The following C19orf47 variants were observed in gnomAD, a reference collection of about 807,000 sequenced individuals.
C19orf47 encodes the protein chromosome 19 open reading frame 47.
In C19orf47, 18 loss-of-function variants were observed where a neutral mutation model predicts 32.3. The observed-to-expected ratio is 0.56, with a 90% CI of 0.39 to 0.83. C19orf47 has a LOEUF of 0.83. C19orf47 is among the 40% of genes least tolerant of loss of function. The pLI, the probability that C19orf47 is intolerant of heterozygous loss-of-function variation, is 0.00. For missense variants in C19orf47, 484 were observed against 531.6 expected (o/e 0.91, Z 0.88); for synonymous variants, 202 against 211.1 (o/e 0.96, Z 0.37).
chr19:40,317,864 C>T (rs2077673643), downstream of C19orf47, among the ~76,000 whole-genome samples: 3 of 152,100 alleles, frequency 2.0e-5, no homozygotes, highest in African/African-American at 4.8e-5. Context: ...TGATTACAGG[C>T]GTGCACCAAC....
chr19:40,336,071 G>T, intron 4 of C19orf47, 39 bp downstream of exon 4: 5 of 1,591,942 alleles, frequency 3.1e-6, no homozygotes, highest in Non-Finnish European at 4.3e-6. Flanking sequence ...CCACCTCCAT[G>T]CCAAACCCAG....
chr19:40,332,585 T>C (rs908927270), intron 5 of C19orf47: 1 of 151,314 alleles, frequency 6.6e-6, no homozygotes, highest in Admixed American at 6.6e-5. Context: ...AGGCGGAGGT[T>C]GCACTGAGCC....
rs1250154577 is a variant in C19orf47, at chr19:40,346,377, A to T, written c.-34+1947T>A. Among the ~76,000 whole-genome samples, 4 of 149,248 alleles carry T rather than the reference A, an allele frequency of 2.7e-5. No homozygotes were observed. In the East Asian group the frequency reaches 8.1e-4, roughly 30 times the overall value. On this transcript the variant is annotated intron_variant, in intron 1 of 8. Transcript: ENST00000683109. Reference sequence around the variant, plus strand: ...AGAATTGCTTAAGCCCGGGAGGCAGAGGTTGCAGTGATCCAAGATCGCACC... The same window carrying T: ...AGAATTGCTTAAGCCCGGGAGGCAGTGGTTGCAGTGATCCAAGATCGCACC...
At chr19:40,347,819 A>G (rs1352340033) in intron 1 of C19orf47, among the ~76,000 whole-genome samples, 1 of 152,046 alleles carries the variant, frequency 6.6e-6, no homozygotes, top group African/African-American at 2.4e-5. Context: ...ACGAGCTCTC[A>G]CTGTGCCAGC....
the C19orf47 span, among the ~76,000 whole-genome samples, chr19:40,298,213 T>C: frequency 6.7e-6 from 1 of 149,378 alleles, no homozygotes; most frequent in Non-Finnish European, 1.5e-5. Context: ...AATCGTGCTT[T>C]ATGCTTTAAC....
intron 2 of C19orf47, among the ~76,000 whole-genome samples, chr19:40,341,587 C>T (rs982131869): frequency 3.9e-5 from 6 of 152,150 alleles, no homozygotes; most frequent in Admixed American, 3.9e-4. Flanking sequence ...CTCTGTGAGG[C>T]CACGTGGGAG....
At chr19:40,306,151 C>CA in the C19orf47 span, among the ~76,000 whole-genome samples, 14,269 of 50,866 alleles carry the variant, frequency 0.28, 1,527 homozygotes, top group African/African-American at 0.37. Context: ...AACTCTGTCT[C>CA]AAAAAAAAAA....
chr19:40,342,838 C>A (rs2078203679), intron 1 of C19orf47, among the ~76,000 whole-genome samples: 1 of 152,082 alleles, frequency 6.6e-6, no homozygotes, highest in African/African-American at 2.4e-5. Context: ...AAGCAAGGAG[C>A]CAGTGTGGCT....
intron 7 of C19orf47, chr19:40,324,833 G>C (rs114182113): frequency 6.6e-6 from 1 of 152,102 alleles, no homozygotes; most frequent in African/African-American, 2.4e-5. Context: ...TTAGCTGGGC[G>C]TGGTGGCCCA....
chr19:40,325,269 CAA>C (rs760539610), intron 7 of C19orf47, among the ~76,000 whole-genome samples: 4 of 111,630 alleles, frequency 3.6e-5, no homozygotes, highest in African/African-American at 3.4e-5. Flanking sequence ...GACTCCGTTT[CAA>C]AAAAAAAAAA....
intron 5 of C19orf47, among the ~76,000 whole-genome samples, chr19:40,332,930 T>C (rs1022590270): frequency 6.6e-6 from 1 of 152,138 alleles, no homozygotes; most frequent in Non-Finnish European, 1.5e-5. Flanking sequence ...AATGTGAACA[T>C]TTTTCACATT....
At chr19:40,348,478 A>G, upstream of C19orf47, 3 of 1,496,664 alleles carry the variant, frequency 2.0e-6, no homozygotes, top group Non-Finnish European at 2.7e-6. Flanking sequence ...GCTCTACCCC[A>G]ACAGGCCGCC....
chr19:40,316,124 A>C (rs1200437975), downstream of C19orf47, among the ~76,000 whole-genome samples: 1 of 152,148 alleles, frequency 6.6e-6, no homozygotes, highest in Non-Finnish European at 1.5e-5. Flanking sequence ...TTGCCAAACT[A>C]ACTCAGGTCA....
At chr19:40,304,099 A>C in the C19orf47 span, among the ~76,000 whole-genome samples, 1 of 152,246 alleles carries the variant, frequency 6.6e-6, no homozygotes, top group African/African-American at 2.4e-5. Flanking sequence ...CTGGAATGAG[A>C]CAGAACTGAT....
chr19:40,294,356 G>A, the C19orf47 span, among the ~76,000 whole-genome samples: 1 of 152,212 alleles, frequency 6.6e-6, no homozygotes, highest in Non-Finnish European at 1.5e-5. Context: ...CCTTTTCTAA[G>A]TTTGGATTAG....
At chr19:40,325,042 G>A (rs2077800302) in intron 7 of C19orf47, among the ~76,000 whole-genome samples, 1 of 151,870 alleles carries the variant, frequency 6.6e-6, no homozygotes, top group African/African-American at 2.4e-5. Context: ...GGCCAAGGCA[G>A]GTGGATCACC....
rs764224295 is a variant in C19orf47 at position 40,324,039 on chromosome 19, G to A, written c.630C>T (p.Ala210=). ...HRTSVFDRLG[A]ETKADTTTGS... is the part of the protein sequence containing the mutation. ...CTGTCGTGGTGTCTGCCTTGGTCTC[G>A]GCGCCGAGGCGGTCAAACACAGACG... The change falls in exon 8 of 9, where the codon GCC becomes GCT. Residue 210 remains alanine, a synonymous_variant. Transcript: ENST00000683109. 40 of 1,614,090 alleles carry A rather than the reference G, an allele frequency of 2.5e-5. No homozygotes were observed. Among genetic ancestry groups the A allele is most frequent in the Middle Eastern group, 1.6e-4 (1 of 6,084 alleles).
chr19:40,294,974 A>T, the C19orf47 span, among the ~76,000 whole-genome samples: 23,739 of 152,218 alleles, frequency 0.16, 1,987 homozygotes, highest in African/African-American at 0.2. Context: ...ATGAGACACC[A>T]TTTACACAAA....
rs1286155195 is a variant in C19orf47 at position 40,333,569 on chromosome 19, G to A, written c.301+282C>T. On this transcript the variant is annotated intron_variant, in intron 5 of 8. Transcript: ENST00000683109. ...ACCTAACCTAGTATTTCCCATAGGA[G>A]CAACGGATTCTCCATTGCTCTGTAT... is the stretch of plus-strand genomic sequence containing the variant. Among the ~76,000 whole-genome samples, 9 of 152,278 alleles carry A rather than the reference G, an allele frequency of 5.9e-5. No individual in the cohort carries two copies. The East Asian group carries it at 1.7e-3, about 29-fold the overall frequency.
Sources: gnomAD v4.1 joint callset for allele counts (sites outside exome capture counted in the v4.1 genomes callset) on GRCh38, gnomAD v4.1.1 for gene constraint, MANE v1.5 for transcripts, NCBI Gene and HGNC (gene_info 2026-07-23, HGNC 2026-07-21) for gene names.